Variants in CDH7 observed in about 807,000 individuals in gnomAD.
CDH7 encodes cadherin 7.
In CDH7, 25 loss-of-function variants were observed where a neutral mutation model predicts 71.8. The observed-to-expected ratio is 0.35, with a 90% CI of 0.25 to 0.49. The LOEUF (loss-of-function observed/expected upper bound fraction) is 0.49. Ranked by LOEUF, CDH7 falls within the 20% of genes least tolerant of loss-of-function variation. The probability of loss-of-function intolerance (pLI) is 0.99; values close to 1 mark genes in which losing one functional copy is unlikely to be tolerated. For missense variants in CDH7, 862 were observed against 974.6 expected (o/e 0.88, Z 1.54); for synonymous variants, 381 against 363.8 (o/e 1.05, Z -0.54).
At chr18:65,864,953 G>GAATGAGAAGGAAT (rs1913708743) in intron 11 of CDH7, among the ~76,000 whole-genome samples, 1 of 148,200 alleles carries the variant, frequency 6.7e-6, no homozygotes, top group Non-Finnish European at 1.5e-5. Context: ...TGAAGGCACA[G>GAATGAGAAGGAAT]AATGAGAAGG....
chr18:65,808,202 T>G (rs528957293), intron 2 of CDH7, among the ~76,000 whole-genome samples: 1 of 152,260 alleles, frequency 6.6e-6, no homozygotes, highest in African/African-American at 2.4e-5. Flanking sequence ...TAAATAAAAG[T>G]TTCTGCTTTG....
intron 7 of CDH7, among the ~76,000 whole-genome samples, chr18:65,857,016 TA>T (rs5825658): frequency 0.63 from 90,964 of 144,660 alleles, 30,252 homozygotes; most frequent in East Asian, 0.92. Context: ...GAGTAAGATT[TA>T]AAAAAAAAAA....
At chr18:65,751,595 A>G (rs1915880176) in intron 1 of CDH7, among the ~76,000 whole-genome samples, 1 of 152,164 alleles carries the variant, frequency 6.6e-6, no homozygotes. Context: ...GGAAGGGGGT[A>G]TGCGCCGCTT....
chr18:65,863,226 CTGAG>C, intron 11 of CDH7: 1 of 341,204 alleles, frequency 2.9e-6, no homozygotes, highest in South Asian at 3.6e-5. Flanking sequence ...TTAGTAGAGA[CTGAG>C]TTTCACCATG....
intron 7 of CDH7, among the ~76,000 whole-genome samples, chr18:65,857,027 AAAAG>A (rs918328472): frequency 6.0e-5 from 8 of 133,932 alleles, no homozygotes; most frequent in Admixed American, 1.5e-4. Flanking sequence ...AAAAAAAAAA[AAAAG>A]AAAGAGGGTT....
intron 1 of CDH7, among the ~76,000 whole-genome samples, chr18:65,760,900 G>A (rs561132993): frequency 4.5e-4 from 69 of 152,258 alleles, no homozygotes; most frequent in African/African-American, 1.6e-3. Flanking sequence ...ACGCCTTTCA[G>A]GTGGGTTAGT....
chr18:65,761,412 ACT>A (rs1028922679), intron 1 of CDH7, among the ~76,000 whole-genome samples: 3 of 151,914 alleles, frequency 2.0e-5, no homozygotes, highest in African/African-American at 4.8e-5. Flanking sequence ...TATAACAGAC[ACT>A]CTTCTTACAG....
At chr18:65,864,663 C>T (rs1198185819) in intron 11 of CDH7, among the ~76,000 whole-genome samples, 8 of 150,756 alleles carry the variant, frequency 5.3e-5, no homozygotes, top group South Asian at 2.1e-4. Flanking sequence ...CTGAGGCGGG[C>T]GGATCATGAG....
chr18:65,750,572 G>GGTGCGCGCGTGTGTGT (rs1353038656), upstream of CDH7: 1 of 152,286 alleles, frequency 6.6e-6, no homozygotes, highest in Admixed American at 6.5e-5. Flanking sequence ...GGTGCGCGAG[G>GGTGCGCGCGTGTGTGT]GTGCGCGCGT....
intron 1 of CDH7, among the ~76,000 whole-genome samples, chr18:65,752,644 G>A (rs1283318890): frequency 6.6e-6 from 1 of 152,174 alleles, no homozygotes; most frequent in Non-Finnish European, 1.5e-5. Flanking sequence ...CAAAAGAATT[G>A]AGACAGGTAG....
chr18:65,791,365 G>A (rs1316447980), intron 2 of CDH7, among the ~76,000 whole-genome samples: 9 of 152,084 alleles, frequency 5.9e-5, no homozygotes, highest in Admixed American at 2.0e-4. Flanking sequence ...ATCCAGTAGC[G>A]CTAACATAAT....
At chr18:65,858,045 G>T (rs1232508545) in intron 8 of CDH7, 93 bp downstream of exon 8, 32 of 1,237,156 alleles carry the variant, frequency 2.6e-5, no homozygotes, top group Non-Finnish European at 3.5e-5. Context: ...AATTAAAGTA[G>T]TTCCTTCTTT....
intron 2 of CDH7, among the ~76,000 whole-genome samples, chr18:65,800,253 G>A (rs531530623): frequency 1.3e-5 from 2 of 151,990 alleles, no homozygotes; most frequent in African/African-American, 4.8e-5. Context: ...CTTATTTTTT[G>A]TATTTTTAAT....
intron 7 of CDH7, among the ~76,000 whole-genome samples, chr18:65,850,437 A>G (rs1037145186): frequency 1.3e-5 from 2 of 151,824 alleles, no homozygotes; most frequent in Admixed American, 6.6e-5. Flanking sequence ...TGAATGGCCA[A>G]TCTTCAGAAA....
intron 5 of CDH7, among the ~76,000 whole-genome samples, chr18:65,823,801 C>T (rs553908447): frequency 9.1e-4 from 131 of 144,366 alleles, no homozygotes; most frequent in Non-Finnish European, 1.4e-3. Flanking sequence ...AAATGCACCA[C>T]AATTTAACAA....
intron 1 of CDH7, among the ~76,000 whole-genome samples, chr18:65,757,605 G>A (rs13381427): frequency 0.011 from 1,601 of 151,378 alleles, 25 homozygotes; most frequent in African/African-American, 0.036. Flanking sequence ...TTTTTTTTCC[G>A]TTTCAGATTA....
intron 4 of CDH7, among the ~76,000 whole-genome samples, chr18:65,820,074 AT>A (rs200136748): frequency 5.1e-5 from 1 of 19,748 alleles, no homozygotes; most frequent in Admixed American, 7.7e-4. Context: ...AGATCATCAG[AT>A]TTTTTTCCTA....
intron 2 of CDH7, among the ~76,000 whole-genome samples, chr18:65,790,972 G>A (rs1910693207): frequency 6.6e-6 from 1 of 152,130 alleles, no homozygotes; most frequent in South Asian, 2.1e-4. Context: ...GTTTGTAAGG[G>A]TACATTATTT....
intron 11 of CDH7, among the ~76,000 whole-genome samples, chr18:65,867,635 G>A (rs1913805134): frequency 6.6e-6 from 1 of 151,822 alleles, no homozygotes; most frequent in African/African-American, 2.4e-5. Context: ...CTGTTCCTCG[G>A]CATACACAAA....
Sources: gnomAD v4.1 joint callset for allele counts (sites outside exome capture counted in the v4.1 genomes callset) on GRCh38, gnomAD v4.1.1 for gene constraint, MANE v1.5 for transcripts, NCBI Gene and HGNC (gene_info 2026-07-23, HGNC 2026-07-21) for gene names.